The following COBL variants were observed in gnomAD, a reference collection of about 807,000 sequenced individuals.
COBL encodes the protein cordon-bleu WH2 repeat protein.
A neutral mutation model predicts 98.8 loss-of-function variants in COBL; 51 were observed. The observed-to-expected ratio is 0.52, with a 90% CI of 0.41 to 0.65. The LOEUF (loss-of-function observed/expected upper bound fraction) is 0.65. Among genes scored for constraint, COBL ranks in the 30% least tolerant of loss-of-function variants. The pLI, the probability that COBL is intolerant of heterozygous loss-of-function variation, is 0.00. For missense variants in COBL, 1,617 were observed against 1,617.5 expected (o/e 1.00, Z 0.01); for synonymous variants, 634 against 651.7 (o/e 0.97, Z 0.41).
At chr7:51,044,127 G>T (rs1472254795) in intron 7 of COBL, among the ~76,000 whole-genome samples, 2 of 152,158 alleles carry the variant, frequency 1.3e-5, no homozygotes, top group Non-Finnish European at 2.9e-5. Context: ...TATCAGTTTG[G>T]ACACATCTGA....
At chr7:51,231,853 G>A (rs762762293) in intron 1 of COBL, among the ~76,000 whole-genome samples, 1 of 152,192 alleles carries the variant, frequency 6.6e-6, no homozygotes, top group Non-Finnish European at 1.5e-5. Context: ...AAGGTATGCT[G>A]ACCACCAGCA....
chr7:51,283,950 T>A (rs1403550515), intron 1 of COBL, among the ~76,000 whole-genome samples: 1 of 151,752 alleles, frequency 6.6e-6, no homozygotes, highest in East Asian at 1.9e-4. Context: ...CTCTCATGAA[T>A]ACAGATGCAA....
At chr7:51,097,058 C>T (rs1795331788) in intron 6 of COBL, among the ~76,000 whole-genome samples, 1 of 152,086 alleles carries the variant, frequency 6.6e-6, no homozygotes, top group Non-Finnish European at 1.5e-5. Flanking sequence ...AGACCAGTAT[C>T]CCTGATGAAA....
At chr7:51,095,299 C>T (rs1795171896) in intron 6 of COBL, among the ~76,000 whole-genome samples, 1 of 152,176 alleles carries the variant, frequency 6.6e-6, no homozygotes, top group African/African-American at 2.4e-5. Flanking sequence ...ACAGATCCAC[C>T]ACCATGATTC....
intron 5 of COBL, among the ~76,000 whole-genome samples, chr7:51,168,821 A>G (rs755251153): frequency 2.0e-5 from 3 of 152,204 alleles, no homozygotes; most frequent in Non-Finnish European, 4.4e-5. Flanking sequence ...GCATTCTCCC[A>G]TGTTTGTTGC....
At chr7:51,122,336 T>C (rs1461509805) in intron 6 of COBL, among the ~76,000 whole-genome samples, 1 of 152,176 alleles carries the variant, frequency 6.6e-6, no homozygotes, top group Non-Finnish European at 1.5e-5. Context: ...GGCTCTGCAG[T>C]GGGAGGTGCC....
At chr7:51,268,074 C>T (rs1798391027) in intron 1 of COBL, among the ~76,000 whole-genome samples, 1 of 152,134 alleles carries the variant, frequency 6.6e-6, no homozygotes, top group African/African-American at 2.4e-5. Context: ...GACAGCCTTC[C>T]TCCCTCCTGC....
At chr7:51,137,059 G>A (rs1449848964) in intron 5 of COBL, among the ~76,000 whole-genome samples, 4 of 151,688 alleles carry the variant, frequency 2.6e-5, no homozygotes, top group Non-Finnish European at 2.9e-5. Context: ...AGTGCAGAAA[G>A]CATTCGGGGA....
At chr7:51,089,014 G>A (rs1365144037) in intron 6 of COBL, among the ~76,000 whole-genome samples, 1 of 152,152 alleles carries the variant, frequency 6.6e-6, no homozygotes, top group Non-Finnish European at 1.5e-5. Context: ...TGGTTGTGGT[G>A]GGCAGGCAGG....
intron 5 of COBL, 66 bp from the exon 6 acceptor site, chr7:51,136,397 C>T: frequency 6.8e-7 from 1 of 1,473,912 alleles, no homozygotes; most frequent in East Asian, 2.3e-5. Context: ...TATGAATGCT[C>T]ACATGAAGAC....
rs569452985 is a variant in COBL at position 51,039,557 on chromosome 7, A to G, written c.1406+3826T>C. Among the ~76,000 whole-genome samples the G allele has an allele frequency of 1.7e-4, 26 of 152,300 alleles. No individual in the cohort carries two copies. In the South Asian group the frequency reaches 4.8e-3, roughly 28 times the overall value. ...GCCAAGCCTGTCCCTGGAACACACT[A>G]TTTTCATCAAAAGAGGCAGATTCTC... is the stretch of plus-strand genomic sequence containing the variant. On this transcript the variant is annotated intron_variant, in intron 8 of 12. Coordinates refer to ENST00000265136, the MANE Select transcript of COBL (RefSeq NM_015198.5).
At chr7:51,296,861 T>C (rs1338226646) in intron 1 of COBL, among the ~76,000 whole-genome samples, 1 of 152,198 alleles carries the variant, frequency 6.6e-6, no homozygotes, top group Non-Finnish European at 1.5e-5. Flanking sequence ...CCATGCTGTA[T>C]GCACTCAGGT....
intron 1 of COBL, among the ~76,000 whole-genome samples, chr7:51,295,034 C>T (rs897802381): frequency 2.6e-5 from 4 of 152,016 alleles, no homozygotes; most frequent in Non-Finnish European, 4.4e-5. Flanking sequence ...CAATCATAAT[C>T]CCAGCACTTT....
intron 12 of COBL, among the ~76,000 whole-genome samples, chr7:51,018,591 A>G (rs1786536951): frequency 6.6e-6 from 1 of 151,894 alleles, no homozygotes; most frequent in Non-Finnish European, 1.5e-5. Context: ...AAATTCGTCA[A>G]CTTTCTTAAA....
chr7:51,087,846 C>G (rs1444607244), intron 6 of COBL, among the ~76,000 whole-genome samples: 3 of 147,014 alleles, frequency 2.0e-5, no homozygotes, highest in Non-Finnish European at 4.5e-5. Context: ...CTTTCTGACA[C>G]AAGATGCGTA....
At position 51,098,224 on chromosome 7, in the gene COBL, C is replaced by CTTTTTTTTT. The variant is rs551768231; in HGVS notation, c.958-12929_958-12921dup. Among the ~76,000 whole-genome samples, 98 of 100,834 alleles carry CTTTTTTTTT rather than the reference C, an allele frequency of 9.7e-4. 15 individuals carry two copies. The highest frequency in any genetic ancestry group is 3.9e-3 in the South Asian group (12 of 3,074). The allele number at this position is 100,834 out of a possible 152,430, so 66.2% of individuals were successfully genotyped here. ...ACTACCAAAATCCCAATAGCAGTTT[C>CTTTTTTTTT]TTTTTTTTTTTTGGAGAAATAGGAA... On this transcript the variant is annotated intron_variant, in intron 6 of 12. Coordinates refer to ENST00000265136, the MANE Select transcript of COBL (RefSeq NM_015198.5).
chr7:51,029,119 C>T lies in COBL; in HGVS notation c.1977G>A (p.Arg659=). The change falls in exon 10 of 13, where the codon AGG becomes AGA. Residue 659 remains arginine, a synonymous_variant. Coordinates refer to ENST00000265136, the MANE Select transcript of COBL (RefSeq NM_015198.5). ...DKVYGCADGE[R]TQATERVNSQ... is the part of the protein sequence containing the mutation. ...AATTCACTCTCTCTGTGGCTTGAGT[C>T]CTCTCCCCGTCAGCACAGCCATACA... is the stretch of plus-strand genomic sequence containing the variant. 1.9e-6 allele frequency: 3 copies of T among 1,614,162 alleles called. No individual in the cohort carries two copies. Among genetic ancestry groups the T allele is most frequent in the Non-Finnish European group, 1.7e-6 (2 of 1,180,042 alleles).
chr7:51,188,438 C>A (rs952329814), intron 4 of COBL, among the ~76,000 whole-genome samples: 1 of 152,208 alleles, frequency 6.6e-6, no homozygotes, highest in Non-Finnish European at 1.5e-5. Flanking sequence ...CTTTTCTTTT[C>A]GAATATTTGA....
chr7:51,271,212 A>G (rs559204868), intron 1 of COBL, among the ~76,000 whole-genome samples: 30 of 152,192 alleles, frequency 2.0e-4, no homozygotes, highest in Non-Finnish European at 4.4e-4. Context: ...CAGGGCCACA[A>G]AGCTGCAAAT....
Sources: gnomAD v4.1 joint callset for allele counts (sites outside exome capture counted in the v4.1 genomes callset) on GRCh38, gnomAD v4.1.1 for gene constraint, MANE v1.5 for transcripts, NCBI Gene and HGNC (gene_info 2026-07-23, HGNC 2026-07-21) for gene names.